The following MCTP1 variants were observed in gnomAD, a reference collection of about 807,000 sequenced individuals.
The protein encoded by MCTP1 is multiple C2 and transmembrane domain-containing protein 1.
A neutral mutation model predicts 120.6 loss-of-function variants in MCTP1; 69 were observed. The ratio of observed to expected loss-of-function variants is 0.57; its 90% confidence interval spans 0.47 to 0.70. The LOEUF (loss-of-function observed/expected upper bound fraction) is 0.70. Among genes scored for constraint, MCTP1 ranks in the 30% least tolerant of loss-of-function variants. The pLI is 0.00. For missense variants in MCTP1, 1,203 were observed against 1,248.8 expected (o/e 0.96, Z 0.55); for synonymous variants, 529 against 493.1 (o/e 1.07, Z -0.96).
chr5:94,821,578 T>C (rs1447595857), intron 17 of MCTP1, among the ~76,000 whole-genome samples: 1 of 152,334 alleles, frequency 6.6e-6, no homozygotes, highest in East Asian at 1.9e-4. Context: ...TTCCATTACT[T>C]CCATATTTTC....
chr5:94,897,000 C>G (rs1256667039), intron 10 of MCTP1, among the ~76,000 whole-genome samples: 1 of 152,050 alleles, frequency 6.6e-6, no homozygotes, highest in African/African-American at 2.4e-5. Flanking sequence ...ACCATGCATC[C>G]CAGGAAGAAG....
intron 2 of MCTP1, among the ~76,000 whole-genome samples, chr5:95,011,052 G>A: frequency 6.6e-6 from 1 of 152,126 alleles, no homozygotes; most frequent in Non-Finnish European, 1.5e-5. Context: ...CGTGATGTCT[G>A]CATGTCTTCT....
intron 2 of MCTP1, among the ~76,000 whole-genome samples, chr5:94,966,313 G>A (rs1394820518): frequency 2.0e-5 from 3 of 152,120 alleles, no homozygotes; most frequent in Non-Finnish European, 4.4e-5. Flanking sequence ...TATAACTACT[G>A]TGTGAAAGTA....
At chr5:94,846,979 C>A (rs1206597083) in intron 17 of MCTP1, among the ~76,000 whole-genome samples, 1 of 152,176 alleles carries the variant, frequency 6.6e-6, no homozygotes. Flanking sequence ...TTCCCATTCC[C>A]ACCCTACAGC....
chr5:94,708,671 G>T lies in MCTP1; in HGVS notation c.2831-62C>A, dbSNP rs1445858344. The T allele has an allele frequency of 2.0e-5, 21 of 1,055,210 alleles. No individual in the cohort carries two copies. In the Admixed American group the frequency reaches 2.5e-4, roughly 12 times the overall value. The allele number at this position is 1,055,210 out of a possible 1,614,324, so 65.4% of individuals were successfully genotyped here. ...GACAAAAGTGTTGTAGTAATTTGAAGATCTAACTTGTATGCCTTGACTCAA... is the reference window on the plus strand; with the variant it reads ...GACAAAAGTGTTGTAGTAATTTGAATATCTAACTTGTATGCCTTGACTCAA... On this transcript the variant is annotated intron_variant, in intron 21 of 22. Transcript: ENST00000515393.
At chr5:95,126,897 C>T (rs751911382) in intron 1 of MCTP1, among the ~76,000 whole-genome samples, 21 of 152,068 alleles carry the variant, frequency 1.4e-4, no homozygotes, top group Non-Finnish European at 3.1e-4. Flanking sequence ...AATCTATTTT[C>T]CCTACTTTAG....
intron 19 of MCTP1, among the ~76,000 whole-genome samples, chr5:94,754,494 C>T (rs1056211525): frequency 1.3e-5 from 2 of 152,204 alleles, no homozygotes; most frequent in Non-Finnish European, 2.9e-5. Flanking sequence ...AGAAGAACCA[C>T]ATGGTAGATG....
At chr5:94,954,196 A>G (rs529124368) in intron 2 of MCTP1, among the ~76,000 whole-genome samples, 60 of 115,862 alleles carry the variant, frequency 5.2e-4, no homozygotes, top group South Asian at 1.1e-3. Flanking sequence ...ATATATATAT[A>G]TATATATATG....
chr5:94,727,857 G>A (rs994152123), intron 19 of MCTP1, among the ~76,000 whole-genome samples: 1 of 152,158 alleles, frequency 6.6e-6, no homozygotes, highest in African/African-American at 2.4e-5. Flanking sequence ...ACAGGACTGA[G>A]AATTCAATTG....
chr5:95,226,260 G>T (rs1053153633), intron 1 of MCTP1, among the ~76,000 whole-genome samples: 4 of 152,012 alleles, frequency 2.6e-5, no homozygotes, highest in African/African-American at 2.4e-5. Context: ...CTTGTTTTTT[G>T]GGGGAAAGCA....
intron 19 of MCTP1, among the ~76,000 whole-genome samples, chr5:94,738,714 A>C (rs76353915): frequency 0.028 from 4,207 of 152,218 alleles, 93 homozygotes; most frequent in African/African-American, 0.058. Context: ...CTGCCCTCTC[A>C]TTATTGTCCA....
At chr5:94,866,026 T>A (rs1460936456) in intron 17 of MCTP1, among the ~76,000 whole-genome samples, 1 of 151,948 alleles carries the variant, frequency 6.6e-6, no homozygotes. Flanking sequence ...TGATAAGGAA[T>A]TATGAAGTAG....
In MCTP1 at chr5:94,835,588, C is replaced by T. The variant is rs147584882; in HGVS notation, c.2436+32745G>A. Among the ~76,000 whole-genome samples, 82 of 152,266 alleles carry T rather than the reference C, an allele frequency of 5.4e-4. 2 individuals are homozygous for T. The East Asian group carries it at 0.013, about 23-fold the overall frequency. ...ACTCAATAGTGGCTGATTCATAATA[C>T]GTACTCACTAAAAGGGTTGCTTCTG... On this transcript the variant is annotated intron_variant, in intron 17 of 22. Coordinates refer to ENST00000515393, the MANE Select transcript of MCTP1 (RefSeq NM_024717.7).
chr5:95,278,845 C>T (rs1435891638), intron 1 of MCTP1, among the ~76,000 whole-genome samples: 2 of 151,760 alleles, frequency 1.3e-5, no homozygotes, highest in Admixed American at 6.6e-5. Flanking sequence ...GCCTGTAATC[C>T]GAGCTACTCG....
chr5:95,049,259 A>C (rs576745079), intron 1 of MCTP1, among the ~76,000 whole-genome samples: 15 of 152,228 alleles, frequency 9.9e-5, no homozygotes, highest in African/African-American at 2.6e-4. Flanking sequence ...GTTAAATTTT[A>C]TAACATTTGC....
At position 94,704,545 on chromosome 5, in the gene MCTP1, C is replaced by G. The variant is rs531492534; in HGVS notation, c.*2951G>C. 43 of 150,408 alleles carry G rather than the reference C, an allele frequency of 2.9e-4. No individual in the cohort carries two copies. Among genetic ancestry groups the G allele is most frequent in the African/African-American group, 1.0e-3 (41 of 40,504 alleles). The allele number at this position is 150,408 out of a possible 1,614,324, so 9.3% of individuals were successfully genotyped here. A position where few individuals can be genotyped will look rare whatever the true frequency, so the allele number is the denominator to read the frequency against. On this transcript the variant is annotated 3_prime_UTR_variant, in exon 23 of 23. Transcript: ENST00000515393. Reference sequence around the variant, plus strand: ...GTGGTCCCTAGATAAGCATTTACTTCTGAGTTTTTCTTCACTTTTAAATGC... The same window carrying G: ...GTGGTCCCTAGATAAGCATTTACTTGTGAGTTTTTCTTCACTTTTAAATGC...
At chr5:94,990,123 G>A (rs1241150751) in intron 2 of MCTP1, among the ~76,000 whole-genome samples, 1 of 152,160 alleles carries the variant, frequency 6.6e-6, no homozygotes, top group Non-Finnish European at 1.5e-5. Context: ...GGGTGGCCTA[G>A]ACTTGGGATT....
At chr5:94,965,445 A>G (rs759794193) in intron 2 of MCTP1, among the ~76,000 whole-genome samples, 17 of 152,050 alleles carry the variant, frequency 1.1e-4, no homozygotes, top group South Asian at 6.2e-4. Flanking sequence ...GCCTTTTCCC[A>G]TTCTGTACTC....
At chr5:95,081,714 A>G in intron 1 of MCTP1, 5 of 1,265,274 alleles carry the variant, frequency 4.0e-6, no homozygotes, top group Non-Finnish European at 5.0e-6. Flanking sequence ...CTCAACTCTC[A>G]AACCAGTAAG....
Sources: gnomAD v4.1 joint callset for allele counts (sites outside exome capture counted in the v4.1 genomes callset) on GRCh38, gnomAD v4.1.1 for gene constraint, MANE v1.5 for transcripts, NCBI Gene and HGNC (gene_info 2026-07-23, HGNC 2026-07-21) for gene names.